The following SPRED2 variants were observed in gnomAD, a reference collection of about 807,000 sequenced individuals.
SPRED2 encodes sprouty-related, EVH1 domain-containing protein 2.
Under a neutral mutation model 43.0 loss-of-function variants are expected in SPRED2, and 47 were observed. That is an observed-to-expected ratio of 1.09 (90% CI 0.87 to 1.40). The LOEUF (loss-of-function observed/expected upper bound fraction) is 1.40, where lower values mean the gene tolerates loss of function less well. Among genes scored for constraint, SPRED2 ranks in the 40% most tolerant of loss-of-function variants. The pLI, the probability that SPRED2 is intolerant of heterozygous loss-of-function variation, is 0.00. For synonymous variants in SPRED2, 225 were observed against 225.7 expected (o/e 1.00, Z 0.03); for missense variants, 561 against 586.4 (o/e 0.96, Z 0.45).
Position 65,409,806 on chromosome 2 carries a change from C to T in SPRED2, c.26+22156G>A, listed in dbSNP as rs1459864407. The stretch of plus-strand genomic sequence containing the variant: ...ATCCTAGCACTTTGGGAGGCCAAGG[C>T]GGGCGGATCACGAGGTCAGGAGATC... On this transcript the variant is annotated intron_variant, in intron 1 of 5. Coordinates refer to ENST00000356388, the MANE Select transcript of SPRED2 (RefSeq NM_181784.3). 2.7e-5 allele frequency among the ~76,000 whole-genome samples: 4 copies of T among 150,868 alleles called. No homozygotes were observed. The East Asian group carries it at 7.7e-4, about 29-fold the overall frequency.
Position 65,334,698 on chromosome 2 carries a change from C to T in SPRED2, c.280G>A (p.Asp94Asn), listed in dbSNP as rs758753744. Reference sequence around the variant, plus strand: ...AAAGTAAGTCCAAACTTCCTATTATCGACCTTCCAGTGATGAAACGTTGGA... The same window carrying T: ...AAAGTAAGTCCAAACTTCCTATTATTGACCTTCCAGTGATGAAACGTTGGA... ...ANPTFHHWKV[D>N]NRKFGLTFQS... Residue 94 changes from aspartate to asparagine, a missense_variant, in exon 3 of 6, where the codon GAT (aspartate) becomes AAT (asparagine). Asp to Asn is a conservative substitution (Grantham distance 23, BLOSUM62 1). Transcript: ENST00000356388. 14 of 1,614,102 alleles carry T rather than the reference C, an allele frequency of 8.7e-6. No homozygotes were observed. Among genetic ancestry groups the T allele is most frequent in the East Asian group, 2.2e-5 (1 of 44,898 alleles).
At chr2:65,366,674 A>G in intron 1 of SPRED2, 3 of 1,543,686 alleles carry the variant, frequency 1.9e-6, no homozygotes, top group Non-Finnish European at 2.6e-6. Context: ...TTCCGATAAA[A>G]ATGGATCGTC....
intron 1 of SPRED2, 47 bp downstream of exon 1, chr2:65,431,915 C>G (rs749741921): frequency 1.9e-6 from 3 of 1,607,376 alleles, no homozygotes; most frequent in Non-Finnish European, 2.6e-6. Context: ...CCGGCCCCCA[C>G]GCTGCCCCTG....
intron 1 of SPRED2, chr2:65,377,656 A>C (rs1015258546): frequency 1.1e-5 from 5 of 471,168 alleles, no homozygotes; most frequent in Non-Finnish European, 2.2e-5. Flanking sequence ...CCAGATGCCC[A>C]GCTGGAGATA....
chr2:65,425,204 A>C (rs1558694300), intron 1 of SPRED2, among the ~76,000 whole-genome samples: 1 of 152,256 alleles, frequency 6.6e-6, no homozygotes, highest in Non-Finnish European at 1.5e-5. Context: ...CACAGGAAAT[A>C]TATCAAAGAA....
rs930447367 is a variant in SPRED2 at position 65,324,852 on chromosome 2, C to T, written c.438+7135G>A. Among the ~76,000 whole-genome samples the T allele has an allele frequency of 3.9e-5, 6 of 152,308 alleles. No homozygotes were observed. In the East Asian group the frequency reaches 9.7e-4, roughly 25 times the overall value. On this transcript the variant is annotated intron_variant, in intron 4 of 5. Coordinates refer to ENST00000356388, the MANE Select transcript of SPRED2 (RefSeq NM_181784.3). ...TCAGGACGAGCCGGACAGATTTCAA[C>T]GTTCACATTTCGCAGGTCTTTTCAG...
intron 1 of SPRED2, among the ~76,000 whole-genome samples, chr2:65,371,527 G>C (rs1675124004): frequency 6.6e-6 from 1 of 152,228 alleles, no homozygotes; most frequent in African/African-American, 2.4e-5. Flanking sequence ...CAAGGAGGCG[G>C]CGGAGGCAGA....
intron 2 of SPRED2, among the ~76,000 whole-genome samples, chr2:65,335,151 T>G (rs1349893923): frequency 6.6e-6 from 1 of 152,184 alleles, no homozygotes; most frequent in African/African-American, 2.4e-5. Flanking sequence ...AGGCTCCAAA[T>G]TCCAAAAGTT....
intron 1 of SPRED2, among the ~76,000 whole-genome samples, chr2:65,409,096 C>T (rs1284863163): frequency 6.6e-6 from 1 of 152,148 alleles, no homozygotes; most frequent in Non-Finnish European, 1.5e-5. Flanking sequence ...GTATTATGAG[C>T]CCTTTTTCTA....
intron 2 of SPRED2, among the ~76,000 whole-genome samples, chr2:65,338,071 T>C (rs908375476): frequency 9.2e-5 from 14 of 152,100 alleles, no homozygotes; most frequent in African/African-American, 3.1e-4. Flanking sequence ...TGGAGCACTA[T>C]TTTTCAGGTG....
intron 4 of SPRED2, among the ~76,000 whole-genome samples, chr2:65,327,957 C>CAG (rs754548210): frequency 3.9e-5 from 6 of 151,910 alleles, no homozygotes; most frequent in Non-Finnish European, 7.4e-5. Flanking sequence ...TTGCTGACCT[C>CAG]GTGATCCGCC....
At chr2:65,336,964 C>A (rs767038012) in intron 2 of SPRED2, among the ~76,000 whole-genome samples, 4 of 152,020 alleles carry the variant, frequency 2.6e-5, no homozygotes, top group African/African-American at 4.8e-5. Context: ...AAAAATTAGC[C>A]GGGCATGGTG....
chr2:65,405,316 G>A (rs1431597008), intron 1 of SPRED2, among the ~76,000 whole-genome samples: 6 of 152,308 alleles, frequency 3.9e-5, no homozygotes, highest in South Asian at 2.1e-4. Flanking sequence ...AGAGGAAGTC[G>A]TTATCCAGGG....
rs1668920766 is a variant in SPRED2, at chr2:65,432,596, G to A, written c.-609C>T. ...CTTCCCAGCGGCCAGAGGTGGTGGAGTGCAAAAAGCTTCCTACTTGCGACC... is the reference window on the plus strand; with the variant it reads ...CTTCCCAGCGGCCAGAGGTGGTGGAATGCAAAAAGCTTCCTACTTGCGACC... On this transcript the variant is annotated 5_prime_UTR_variant, in exon 1 of 6. Transcript: ENST00000356388. 1 of 152,102 alleles carries A rather than the reference G, an allele frequency of 6.6e-6. No homozygotes were observed. The highest frequency in any genetic ancestry group is 1.5e-5 in the Non-Finnish European group (1 of 68,076). The allele number at this position is 152,102 out of a possible 1,614,324, so 9.4% of individuals were successfully genotyped here.
At chr2:65,316,666 G>A (rs1673242702) in intron 5 of SPRED2, 68 bp downstream of exon 5, 17 of 1,540,216 alleles carry the variant, frequency 1.1e-5, no homozygotes, top group Non-Finnish European at 1.4e-5. Flanking sequence ...GAATAGGAGG[G>A]GAAAGAGGCC....
intron 3 of SPRED2, among the ~76,000 whole-genome samples, chr2:65,333,206 C>T (rs1673864323): frequency 6.9e-6 from 1 of 145,708 alleles, no homozygotes; most frequent in South Asian, 2.1e-4. Flanking sequence ...ACGGAGGTTG[C>T]AGTGAGCCGA....
chr2:65,346,086 G>GAAGA (rs1169701774), intron 1 of SPRED2, among the ~76,000 whole-genome samples: 1 of 152,142 alleles, frequency 6.6e-6, no homozygotes, highest in African/African-American at 2.4e-5. Context: ...GGGCCTCAGG[G>GAAGA]AAGACGCCCT....
Position 65,427,666 on chromosome 2 carries a change from C to T in SPRED2, c.26+4296G>A, listed in dbSNP as rs956594658. On this transcript the variant is annotated intron_variant, in intron 1 of 5. Coordinates refer to ENST00000356388, the MANE Select transcript of SPRED2 (RefSeq NM_181784.3). ...ATCCATTTTAATTCAGTATGCCCCTCATGCTTCACAGCATTTTCTGGGAAG... is the reference window on the plus strand; with the variant it reads ...ATCCATTTTAATTCAGTATGCCCCTTATGCTTCACAGCATTTTCTGGGAAG... Among the ~76,000 whole-genome samples the T allele has an allele frequency of 5.9e-5, 9 of 152,316 alleles. No individual in the cohort carries two copies. The East Asian group carries it at 1.7e-3, about 29-fold the overall frequency.
At chr2:65,412,354 A>G (rs186393294) in intron 1 of SPRED2, among the ~76,000 whole-genome samples, 1 of 152,296 alleles carries the variant, frequency 6.6e-6, no homozygotes, top group East Asian at 1.9e-4. Flanking sequence ...GCCTAGGACC[A>G]GCTTCAAGAA....
Sources: gnomAD v4.1 joint callset for allele counts (sites outside exome capture counted in the v4.1 genomes callset) on GRCh38, gnomAD v4.1.1 for gene constraint, MANE v1.5 for transcripts, NCBI Gene and HGNC (gene_info 2026-07-23, HGNC 2026-07-21) for gene names.